Variants in PHLPP2 observed in about 807,000 individuals in gnomAD.
PHLPP2 encodes the protein PH domain and leucine rich repeat protein phosphatase 2, also known as PH domain leucine-rich repeat-containing protein phosphatase 2.
Under a neutral mutation model 124.9 loss-of-function variants are expected in PHLPP2, and 66 were observed. That is an observed-to-expected ratio of 0.53 (90% confidence interval 0.43 to 0.65). PHLPP2 has a LOEUF of 0.65. PHLPP2 is among the 30% of genes least tolerant of loss of function. The pLI, the probability that PHLPP2 is intolerant of heterozygous loss-of-function variation, is 0.00. For missense variants in PHLPP2, 1,685 were observed against 1,600.4 expected, an observed-to-expected ratio of 1.05 and a Z score of -0.90; for synonymous variants, 681 against 624.7, an observed-to-expected ratio of 1.09 and a Z score of -1.34.
rs13333988 is a variant in PHLPP2 at position 71,648,687 on chromosome 16, G to A, written c.*203C>T. On this transcript the variant is annotated 3_prime_UTR_variant, in exon 19 of 19. Coordinates refer to ENST00000568954, the MANE Select transcript of PHLPP2 (RefSeq NM_015020.3). Reference sequence around the variant, plus strand: ...CTCGGGAGGCTGAGACAGGAGAATGGCTTGAACCCAGGGACAGAGGCTGCA... The same window carrying A: ...CTCGGGAGGCTGAGACAGGAGAATGACTTGAACCCAGGGACAGAGGCTGCA... The A allele has an allele frequency of 0.014, 7,673 of 559,828 alleles. 469 individuals are homozygous for A. Among genetic ancestry groups the A allele is most frequent in the African/African-American group, 0.13 (6,881 of 53,376 alleles). The allele number at this position is 559,828 out of a possible 1,614,324, so 34.7% of individuals were successfully genotyped here.
chr16:71,692,875 CTG>C lies in PHLPP2; in HGVS notation c.419-2168_419-2167del, dbSNP rs1190012879. ...ATCCATTGTGGATATGGACGACTGACTGTATTCTAAATTCCACCTTCCTCAGA... is the reference window on the plus strand; with the variant it reads ...ATCCATTGTGGATATGGACGACTGACTATTCTAAATTCCACCTTCCTCAGA... On this transcript the variant is annotated intron_variant, in intron 3 of 18. Coordinates refer to ENST00000568954, the MANE Select transcript of PHLPP2 (RefSeq NM_015020.3). 2.6e-5 allele frequency among the ~76,000 whole-genome samples: 4 copies of C among 151,838 alleles called. No homozygotes were observed. The East Asian group carries it at 7.7e-4, about 29-fold the overall frequency.
chr16:71,707,765 G>A (rs2045288137), intron 2 of PHLPP2, among the ~76,000 whole-genome samples: 1 of 152,176 alleles, frequency 6.6e-6, no homozygotes, highest in Admixed American at 6.5e-5. Context: ...TTTGCATCAA[G>A]CTAAAACTGT....
chr16:71,664,554 C>T (rs758139731), intron 12 of PHLPP2, among the ~76,000 whole-genome samples: 5 of 152,104 alleles, frequency 3.3e-5, no homozygotes, highest in Non-Finnish European at 5.9e-5. Flanking sequence ...CAAGACCATC[C>T]TGGCCACCAT....
chr16:71,696,894 C>A (rs2045176728), intron 3 of PHLPP2, among the ~76,000 whole-genome samples: 1 of 152,088 alleles, frequency 6.6e-6, no homozygotes, highest in Non-Finnish European at 1.5e-5. Flanking sequence ...CAGGTTCTGG[C>A]CACGCACAGT....
intron 1 of PHLPP2, among the ~76,000 whole-genome samples, chr16:71,716,824 G>A (rs748417757): frequency 1.8e-4 from 28 of 152,158 alleles, no homozygotes; most frequent in Non-Finnish European, 2.6e-4. Flanking sequence ...CAGAATTAAT[G>A]ACTACCAGAC....
intron 12 of PHLPP2, among the ~76,000 whole-genome samples, chr16:71,666,863 T>C (rs936205775): frequency 2.0e-4 from 31 of 152,208 alleles, no homozygotes; most frequent in African/African-American, 6.8e-4. Flanking sequence ...CAGCAGAATG[T>C]TGTAATTTCT....
At chr16:71,685,723 T>A (rs1354462281) in intron 4 of PHLPP2, among the ~76,000 whole-genome samples, 2 of 152,204 alleles carry the variant, frequency 1.3e-5, no homozygotes, top group Non-Finnish European at 2.9e-5. Flanking sequence ...ATCTTTTAAA[T>A]ATTTTATTTT....
chr16:71,723,798 G>A (rs1299610690), intron 1 of PHLPP2: 28 of 1,304,878 alleles, frequency 2.1e-5, no homozygotes, highest in Admixed American at 3.3e-5. Flanking sequence ...CCCGGCCGGC[G>A]GCTCGCGGGC....
intron 2 of PHLPP2, among the ~76,000 whole-genome samples, chr16:71,713,073 T>A (rs1424645159): frequency 1.3e-5 from 2 of 152,164 alleles, no homozygotes; most frequent in African/African-American, 4.8e-5. Context: ...TGCATAAAAA[T>A]TTTTCAACAC....
intron 2 of PHLPP2, among the ~76,000 whole-genome samples, chr16:71,713,398 TGAA>T (rs1370966985): frequency 6.6e-6 from 1 of 152,204 alleles, no homozygotes; most frequent in Non-Finnish European, 1.5e-5. Context: ...ATAACCTCTA[TGAA>T]GAAGAATTTG....
Position 71,648,923 on chromosome 16 carries a change from G to T in PHLPP2, c.3939C>A (p.Thr1313=). Residue 1313 remains threonine, a synonymous_variant, in exon 19 of 19, where the codon ACC becomes ACA. Transcript: ENST00000568954. ...LEPEPHEEDR[T]EPPEEFDTAL The stretch of plus-strand genomic sequence containing the variant: ...CTGTGTCGAACTCCTCCGGGGGCTC[G>T]GTCCGATCCTCTTCATGGGGCTCAG... 1 of 1,612,828 alleles carries T rather than the reference G, an allele frequency of 6.2e-7. No individual in the cohort carries two copies. Among genetic ancestry groups the T allele is most frequent in the Non-Finnish European group, 8.5e-7 (1 of 1,180,000 alleles).
At chr16:71,667,857 T>C (rs770269829) in intron 11 of PHLPP2, among the ~76,000 whole-genome samples, 1 of 152,174 alleles carries the variant, frequency 6.6e-6, no homozygotes, top group Non-Finnish European at 1.5e-5. Context: ...ACTCCAAAGA[T>C]TGTGTTCATA....
At chr16:71,701,871 G>A (rs2045236127) in intron 3 of PHLPP2, among the ~76,000 whole-genome samples, 1 of 152,026 alleles carries the variant, frequency 6.6e-6, no homozygotes, top group Non-Finnish European at 1.5e-5. Context: ...CTCTTACTTT[G>A]CCTAATTTAT....
chr16:71,649,697 A>G lies in PHLPP2; in HGVS notation c.3165T>C (p.Phe1055=), dbSNP rs760629537. The G allele has an allele frequency of 6.2e-7, 1 of 1,614,196 alleles. No individual in the cohort carries two copies. The highest frequency in any genetic ancestry group is 2.2e-5 in the East Asian group (1 of 44,892). Residue 1055 remains phenylalanine, a synonymous_variant, in exon 19 of 19, where the codon TTT becomes TTC. Coordinates refer to ENST00000568954, the MANE Select transcript of PHLPP2 (RefSeq NM_015020.3). The part of the protein sequence containing the change: ...NGLTLPGPVG[F]ASTTTIKDAP... The stretch of plus-strand genomic sequence containing the variant: ...CATCCTTGATAGTGGTGGTTGAAGC[A>G]AATCCCACAGGACCTGGGAGGGTGA...
At position 71,690,740 on chromosome 16, in the gene PHLPP2, C is replaced by A. The variant is rs558768545; in HGVS notation, c.419-31G>T. 27 of 1,449,222 alleles carry A rather than the reference C, an allele frequency of 1.9e-5. No individual in the cohort carries two copies. The African/African-American group carries it at 2.9e-4, about 16-fold the overall frequency. The allele number at this position is 1,449,222 out of a possible 1,614,324, so 89.8% of individuals were successfully genotyped here. A position where few individuals can be genotyped will look rare whatever the true frequency, so the allele number is the denominator to read the frequency against. On this transcript the variant is annotated intron_variant, in intron 3 of 18. Coordinates refer to ENST00000568954, the MANE Select transcript of PHLPP2 (RefSeq NM_015020.3). ...AAGGAAATAATACTTCAGAATCCACCATTAAAGTAGTGTAAGAATACAGAA... is the reference window on the plus strand; with the variant it reads ...AAGGAAATAATACTTCAGAATCCACAATTAAAGTAGTGTAAGAATACAGAA...
At chr16:71,658,953 C>G in intron 13 of PHLPP2, 138 bp from the exon 14 acceptor site, 2 of 707,280 alleles carry the variant, frequency 2.8e-6, no homozygotes, top group South Asian at 3.5e-5. Context: ...GAAACCGATA[C>G]CAGGAATACC....
chr16:71,670,842 G>A (rs2044886604), intron 10 of PHLPP2, among the ~76,000 whole-genome samples: 1 of 152,098 alleles, frequency 6.6e-6, no homozygotes, highest in Admixed American at 6.6e-5. Context: ...CATGAACAGA[G>A]GAGAGAAGCT....
chr16:71,721,245 A>G (rs2045396483), intron 1 of PHLPP2, among the ~76,000 whole-genome samples: 1 of 151,932 alleles, frequency 6.6e-6, no homozygotes, highest in Admixed American at 6.6e-5. Context: ...AGGCAGGAGG[A>G]TCACTTGAGC....
At chr16:71,688,000 C>A (rs1487955570) in intron 4 of PHLPP2, among the ~76,000 whole-genome samples, 1 of 152,128 alleles carries the variant, frequency 6.6e-6, no homozygotes, top group African/African-American at 2.4e-5. Flanking sequence ...CTAACAGCTC[C>A]ATAGGCCAGC....
Sources: allele counts gnomAD v4.1 joint callset (sites outside exome capture counted in the v4.1 genomes callset), GRCh38; gene constraint gnomAD v4.1.1; transcripts MANE v1.5; gene names NCBI Gene and HGNC (gene_info 2026-07-23, HGNC 2026-07-21).